The following CASK variants were observed in gnomAD, a reference collection of about 807,000 sequenced individuals.
The protein encoded by CASK is peripheral plasma membrane protein CASK.
In CASK, 4 loss-of-function variants were observed where a neutral mutation model predicts 82.9. That is an observed-to-expected ratio of 0.05 (90% CI 0.02 to 0.11). The LOEUF (loss-of-function observed/expected upper bound fraction) is 0.11, where lower values mean the gene tolerates loss of function less well. Ranked by LOEUF, CASK falls within the 10% of genes least tolerant of loss-of-function variation. CASK has a pLI of 1.00. For synonymous variants in CASK, 259 were observed against 253.5 expected (o/e 1.02, Z -0.20); for missense variants, 358 against 720.9 (o/e 0.50, Z 5.76).
At chrX:41,794,718 T>C (rs976567126) in intron 2 of CASK, among the ~76,000 whole-genome samples, 1 of 112,646 alleles carries the variant, frequency 8.9e-6, no homozygotes, top group Non-Finnish European at 1.9e-5. Flanking sequence ...TACATTTTAT[T>C]GTGCATACAC....
Position 41,821,303 on chromosome X carries a change from T to A in CASK, c.172+31812A>T, listed in dbSNP as rs191604124. 2.8e-3 allele frequency among the ~76,000 whole-genome samples: 314 copies of A among 111,849 alleles called. 2 individuals are homozygous for A. Among genetic ancestry groups the A allele is most frequent in the African/African-American group, 9.7e-3 (297 of 30,774 alleles). ...CTGAAGATATACTTCAACAAAGATA[T>A]ATGAATGGCCAATAAGTGCAACATT... On this transcript the variant is annotated intron_variant, in intron 2 of 26. Coordinates refer to ENST00000378163, the MANE Select transcript of CASK (RefSeq NM_001367721.1).
chrX:41,853,298 T>C (rs2071301027), intron 1 of CASK, 71 bp from the exon 2 acceptor site: 2 of 606,933 alleles, frequency 3.3e-6, no homozygotes, highest in East Asian at 3.5e-5. Context: ...TGTCTTACTG[T>C]TTCATTATCT....
intron 12 of CASK, among the ~76,000 whole-genome samples, chrX:41,607,831 T>C (rs185474874): frequency 9.6e-4 from 108 of 111,968 alleles, no homozygotes; most frequent in African/African-American, 3.4e-3. Flanking sequence ...TGTGACCTAG[T>C]GGAAGAGGCC....
chrX:41,565,820 G>C (rs2065306626), intron 16 of CASK, among the ~76,000 whole-genome samples: 1 of 111,604 alleles, frequency 9.0e-6, no homozygotes, highest in Admixed American at 9.5e-5. Flanking sequence ...GATGAACATT[G>C]ATACGAAAAT....
Position 41,517,058 on chromosome X carries a change from G to A in CASK, c.*3362C>T, listed in dbSNP as rs970054385. ...TTTAAAAACAAAAGAACTCTGCAGC[G>A]ATCAGATCAAAGGCTGTAAAAAGGT... On this transcript the variant is annotated 3_prime_UTR_variant, in exon 27 of 27. Coordinates refer to ENST00000378163, the MANE Select transcript of CASK (RefSeq NM_001367721.1). The A allele has an allele frequency of 2.7e-5, 3 of 112,347 alleles. No individual in the cohort carries two copies. The highest frequency in any genetic ancestry group is 3.7e-4 in the South Asian group (1 of 2,731). The allele number at this position is 112,347 out of a possible 1,213,427, so 9.3% of individuals were successfully genotyped here.
intron 1 of CASK, among the ~76,000 whole-genome samples, chrX:41,897,372 T>C (rs2072287794): frequency 8.9e-6 from 1 of 112,082 alleles, no homozygotes; most frequent in African/African-American, 3.2e-5. Flanking sequence ...TCATATGGTT[T>C]TTGTACTTTA....
At chrX:41,596,287 C>T (rs185622432) in intron 12 of CASK, among the ~76,000 whole-genome samples, 39 of 111,356 alleles carry the variant, frequency 3.5e-4, no homozygotes, top group African/African-American at 1.2e-3. Flanking sequence ...ATCTCTGTCA[C>T]AGCCACTAAA....
chrX:41,536,602 T>C (rs767527211), intron 22 of CASK, among the ~76,000 whole-genome samples: 1 of 111,891 alleles, frequency 8.9e-6, no homozygotes, highest in Non-Finnish European at 1.9e-5. Flanking sequence ...TATCACAATA[T>C]ATAAAAAAAG....
chrX:41,561,692 T>C (rs1327121975), intron 16 of CASK, 48 bp from the exon 17 acceptor site: 2 of 928,714 alleles, frequency 2.2e-6, no homozygotes, highest in Non-Finnish European at 3.1e-6. Context: ...TATGCTTTCA[T>C]AGTAACAAAA....
At chrX:41,915,440 T>A (rs1486657375) in intron 1 of CASK, among the ~76,000 whole-genome samples, 1 of 112,405 alleles carries the variant, frequency 8.9e-6, no homozygotes, top group Non-Finnish European at 1.9e-5. Context: ...TATACAAATA[T>A]CTCACTTTTA....
At chrX:41,532,310 T>C (rs1174877987) in intron 24 of CASK, among the ~76,000 whole-genome samples, 1 of 112,325 alleles carries the variant, frequency 8.9e-6, no homozygotes, top group African/African-American at 3.2e-5. Context: ...TTGCCTATGG[T>C]TGTTTTCATG....
intron 2 of CASK, among the ~76,000 whole-genome samples, chrX:41,809,933 G>A (rs1019093682): frequency 8.0e-5 from 9 of 112,242 alleles, no homozygotes; most frequent in South Asian, 3.6e-4. Flanking sequence ...CGAGAACTAC[G>A]TGACAAATGC....
chrX:41,555,449 A>T (rs1219580667), intron 20 of CASK, 151 bp downstream of exon 20: 1 of 449,728 alleles, frequency 2.2e-6, no homozygotes, highest in African/African-American at 2.4e-5. Flanking sequence ...AGAATTAGTC[A>T]TGTGTAATGT....
intron 4 of CASK, among the ~76,000 whole-genome samples, chrX:41,742,735 A>T (rs1407904946): frequency 1.8e-5 from 2 of 112,264 alleles, no homozygotes. Context: ...GTCATCTGTC[A>T]TTAAACCAAT....
intron 1 of CASK, among the ~76,000 whole-genome samples, chrX:41,865,644 T>C (rs2071577803): frequency 9.0e-6 from 1 of 111,701 alleles, no homozygotes; most frequent in African/African-American, 3.3e-5. Context: ...GATGTTTTGC[T>C]TATTGTTAGA....
intron 2 of CASK, among the ~76,000 whole-genome samples, chrX:41,801,658 G>A: frequency 9.0e-6 from 1 of 111,550 alleles, no homozygotes; most frequent in East Asian, 2.8e-4. Context: ...AGGGTTGCAT[G>A]GTGGAGCAGA....
At chrX:41,711,755 A>G (rs1271804987) in intron 5 of CASK, among the ~76,000 whole-genome samples, 1 of 110,889 alleles carries the variant, frequency 9.0e-6, no homozygotes, top group East Asian at 2.8e-4. Flanking sequence ...ATACTCACAA[A>G]CCAATCAGCA....
chrX:41,556,473 A>G (rs749320300), intron 19 of CASK, among the ~76,000 whole-genome samples: 3 of 112,479 alleles, frequency 2.7e-5, no homozygotes, highest in Non-Finnish European at 5.6e-5. Flanking sequence ...AGCGTGGCTT[A>G]AGTGCAGTTT....
rs763518068 is a variant in CASK, at chrX:41,550,825, T to A, written c.2039+2894A>T. On this transcript the variant is annotated intron_variant, in intron 21 of 26. Transcript: ENST00000378163. The stretch of plus-strand genomic sequence containing the variant: ...ACTGGGAAGGCTGAGGTGGGTGGAT[T>A]GCTTGGGTCCAGGAGGTCGAGGCTG... 7.2e-5 allele frequency among the ~76,000 whole-genome samples: 8 copies of A among 110,910 alleles called. No homozygotes were observed. In the East Asian group the frequency reaches 2.3e-3, roughly 31 times the overall value.
Sources: gnomAD v4.1 joint callset for allele counts (sites outside exome capture counted in the v4.1 genomes callset) on GRCh38, gnomAD v4.1.1 for gene constraint, MANE v1.5 for transcripts, NCBI Gene and HGNC (gene_info 2026-07-23, HGNC 2026-07-21) for gene names.